PTPRT: variants seen among roughly 807,000 people sequenced by gnomAD.
PTPRT encodes the protein protein tyrosine phosphatase receptor type T.
Under a neutral mutation model 176.8 loss-of-function variants are expected in PTPRT, and 56 were observed. That is an observed-to-expected ratio of 0.32 (90% CI 0.26 to 0.40). The LOEUF is 0.40. PTPRT is among the 10% of genes least tolerant of loss of function. The pLI, the probability that PTPRT is intolerant of heterozygous loss-of-function variation, is 1.00. For synonymous variants in PTPRT, 783 were observed against 739.0 expected, an observed-to-expected ratio of 1.06 and a Z score of -0.96; for missense variants, 1,540 against 1,908.2, an observed-to-expected ratio of 0.81 and a Z score of 3.60.
chr20:42,502,123 T>G, intron 7 of PTPRT, among the ~76,000 whole-genome samples: 1 of 152,052 alleles, frequency 6.6e-6, no homozygotes, highest in East Asian at 1.9e-4. Flanking sequence ...GAAAGTTACA[T>G]TTTTCAAGGA....
chr20:43,138,071 T>C (rs1239510672), intron 1 of PTPRT, among the ~76,000 whole-genome samples: 1 of 152,126 alleles, frequency 6.6e-6, no homozygotes, highest in Non-Finnish European at 1.5e-5. Context: ...ACCTCTGTTG[T>C]GAGGATTCAC....
intron 8 of PTPRT, among the ~76,000 whole-genome samples, chr20:42,470,651 C>T (rs910873616): frequency 1.6e-4 from 24 of 152,104 alleles, no homozygotes; most frequent in Admixed American, 9.8e-4. Flanking sequence ...AAGGTAACTG[C>T]GGTGAGCCTG....
At chr20:42,899,949 C>T (rs1186514511) in intron 1 of PTPRT, among the ~76,000 whole-genome samples, 5 of 152,148 alleles carry the variant, frequency 3.3e-5, no homozygotes, top group South Asian at 2.1e-4. Context: ...TGCTATGCAC[C>T]GTGCTAGTCC....
At chr20:42,854,798 A>T (rs1179851545) in intron 2 of PTPRT, among the ~76,000 whole-genome samples, 1 of 152,240 alleles carries the variant, frequency 6.6e-6, no homozygotes, top group Non-Finnish European at 1.5e-5. Context: ...TGGGCAAGGG[A>T]TTGCCTTCTT....
chr20:42,555,201 A>C (rs2145628616), intron 7 of PTPRT, among the ~76,000 whole-genome samples: 1 of 152,308 alleles, frequency 6.6e-6, no homozygotes, highest in South Asian at 2.1e-4. Flanking sequence ...GGAAGGAAGG[A>C]TTTAATGCTC....
chr20:42,849,294 A>C (rs948728880), intron 2 of PTPRT, among the ~76,000 whole-genome samples: 5 of 152,226 alleles, frequency 3.3e-5, no homozygotes, highest in African/African-American at 1.2e-4. Context: ...CTTAAATGAC[A>C]ACCAGCCTCC....
intron 13 of PTPRT, among the ~76,000 whole-genome samples, chr20:42,257,191 G>C (rs890627248): frequency 3.9e-5 from 6 of 152,146 alleles, no homozygotes; most frequent in Non-Finnish European, 8.8e-5. Context: ...GTAAGTCAGG[G>C]AGAATGTCCA....
intron 6 of PTPRT, among the ~76,000 whole-genome samples, chr20:42,748,315 T>C (rs1226587780): frequency 1.3e-5 from 2 of 152,138 alleles, no homozygotes; most frequent in African/African-American, 2.4e-5. Context: ...GGCTCTCTGA[T>C]ACCATGCCTG....
chr20:42,673,390 A>G (rs2075445190), intron 7 of PTPRT, among the ~76,000 whole-genome samples: 2 of 152,198 alleles, frequency 1.3e-5, no homozygotes, highest in South Asian at 4.1e-4. Context: ...CAACCCCAGA[A>G]TTTCTGATTT....
intron 1 of PTPRT, among the ~76,000 whole-genome samples, chr20:42,993,097 C>G (rs940318939): frequency 2.6e-5 from 4 of 152,070 alleles, no homozygotes; most frequent in African/African-American, 9.7e-5. Context: ...GCATGACGAG[C>G]TTCCGGAAAA....
chr20:42,099,260 T>C (rs1985621173), intron 26 of PTPRT, among the ~76,000 whole-genome samples: 1 of 152,050 alleles, frequency 6.6e-6, no homozygotes, highest in Non-Finnish European at 1.5e-5. Context: ...TGGCAAGTTA[T>C]TAGATGATTC....
chr20:42,405,276 T>C (rs1600968731), intron 9 of PTPRT, among the ~76,000 whole-genome samples: 1 of 151,802 alleles, frequency 6.6e-6, no homozygotes, highest in African/African-American at 2.4e-5. Context: ...ATGTGCCATG[T>C]TGGTGTGCTG....
At chr20:42,210,403 C>T (rs867211435) in intron 15 of PTPRT, among the ~76,000 whole-genome samples, 7,130 of 151,508 alleles carry the variant, frequency 0.047, 527 homozygotes, top group African/African-American at 0.16. Flanking sequence ...AAAACCCCAT[C>T]GTCTCAGCCC....
At chr20:42,769,050 T>A (rs1381113499) in intron 5 of PTPRT, among the ~76,000 whole-genome samples, 1 of 152,226 alleles carries the variant, frequency 6.6e-6, no homozygotes. Flanking sequence ...GGCAGCCTAA[T>A]ACACTTGAAC....
At position 42,781,222 on chromosome 20, in the gene PTPRT, G is replaced by A. The variant is rs147083218; in HGVS notation, c.487-923C>T. Among the ~76,000 whole-genome samples the A allele has an allele frequency of 4.8e-3, 736 of 152,144 alleles. 6 individuals carry two copies. Among genetic ancestry groups the A allele is most frequent in the South Asian group, 0.015 (70 of 4,810 alleles). On this transcript the variant is annotated intron_variant, in intron 3 of 30. Transcript: ENST00000373187. ...CATGTGAGCTCCTCAGACTCCATAC[G>A]AGTCTCTCCTAAAGCCCCCATTCCT...
chr20:42,426,038 A>G (rs1236261964), intron 9 of PTPRT, among the ~76,000 whole-genome samples: 1 of 152,138 alleles, frequency 6.6e-6, no homozygotes, highest in Non-Finnish European at 1.5e-5. Context: ...AAAGAGCTGT[A>G]TGGTTCGTGA....
At chr20:42,860,951 T>C (rs2078650260) in intron 2 of PTPRT, among the ~76,000 whole-genome samples, 1 of 152,218 alleles carries the variant, frequency 6.6e-6, no homozygotes, top group African/African-American at 2.4e-5. Context: ...CTCCGTCACA[T>C]TAAGGAAATA....
At chr20:42,825,180 A>C (rs1172576746) in intron 2 of PTPRT, among the ~76,000 whole-genome samples, 1 of 152,128 alleles carries the variant, frequency 6.6e-6, no homozygotes, top group South Asian at 2.1e-4. Flanking sequence ...GTTGTGAATC[A>C]TATAACACAA....
chr20:42,666,265 T>C (rs1349979293), intron 7 of PTPRT, among the ~76,000 whole-genome samples: 3 of 152,310 alleles, frequency 2.0e-5, no homozygotes, highest in South Asian at 2.1e-4. Context: ...GCACTCTATA[T>C]GTATGAGTTT....
Sources: allele counts gnomAD v4.1 joint callset (sites outside exome capture counted in the v4.1 genomes callset), GRCh38; gene constraint gnomAD v4.1.1; transcripts MANE v1.5; gene names NCBI Gene and HGNC (gene_info 2026-07-23, HGNC 2026-07-21).